The following KCNJ10 variants were observed in gnomAD, a reference collection of about 807,000 sequenced individuals.
The protein encoded by KCNJ10 is ATP-sensitive inward rectifier potassium channel 10.
A neutral mutation model predicts 22.2 loss-of-function variants in KCNJ10; 9 were observed. The observed-to-expected ratio is 0.40, with a 90% confidence interval of 0.24 to 0.71. The LOEUF (loss-of-function observed/expected upper bound fraction) is 0.71, where lower values mean the gene tolerates loss of function less well. Among genes scored for constraint, KCNJ10 ranks in the 30% least tolerant of loss-of-function variants. KCNJ10 has a pLI of 0.35. For synonymous variants in KCNJ10, 184 were observed against 187.3 expected (o/e 0.98, Z 0.15); for missense variants, 337 against 482.7 (o/e 0.70, Z 2.83).
rs1408257927 is a variant in KCNJ10, at chr1:160,070,030, C to G, written c.-9G>C. 6.6e-6 allele frequency: 1 copy of G among 152,572 alleles called. No homozygotes were observed. Among genetic ancestry groups the G allele is most frequent in the Non-Finnish European group, 1.5e-5 (1 of 68,382 alleles). 9.5% of individuals were successfully genotyped at this position (152,572 alleles called of 1,614,324 possible). ...CAGGGCCAGGGTCTTACCTTGGGTCCGAGGTGGAGTGGCCCCTTGGATGGG... is the reference window on the plus strand; with the variant it reads ...CAGGGCCAGGGTCTTACCTTGGGTCGGAGGTGGAGTGGCCCCTTGGATGGG... On this transcript the variant is annotated 5_prime_UTR_variant, in exon 1 of 2. Transcript: ENST00000644903. The surrounding 1 kb of genome is among the most constrained non-coding windows in gnomAD (Gnocchi z 4.3).
Position 160,067,554 on chromosome 1 carries a change from C to T in KCNJ10, c.-1+2468G>A, listed in dbSNP as rs141117738. On this transcript the variant is annotated intron_variant, in intron 1 of 1. Transcript: ENST00000644903. ...ATTCCTTCTCTGCCCCCTTCCAGGG[C>T]CCCACTGCTATCCTGGACAGCTTGG... 1.7e-4 allele frequency among the ~76,000 whole-genome samples: 26 copies of T among 152,344 alleles called. 1 individual carries two copies. The East Asian group carries it at 4.6e-3, about 27-fold the overall frequency.
intron 1 of KCNJ10, among the ~76,000 whole-genome samples, chr1:160,066,505 A>G (rs1424308249): frequency 1.3e-5 from 2 of 152,102 alleles, no homozygotes; most frequent in East Asian, 1.9e-4. Context: ...ATGGCCCACA[A>G]CTCCACTTTT....
At chr1:160,044,602 T>C (rs1159215401) in intron 1 of KCNJ10, among the ~76,000 whole-genome samples, 1 of 152,200 alleles carries the variant, frequency 6.6e-6, no homozygotes, top group Non-Finnish European at 1.5e-5. Context: ...AGGTAAGATA[T>C]TGATCCTAGG....
At position 160,042,374 on chromosome 1, in the gene KCNJ10, C is replaced by T. The variant is rs1184768011; in HGVS notation, c.159G>A (p.Lys53=). 1.2e-6 allele frequency: 2 copies of T among 1,614,030 alleles called. No individual in the cohort carries two copies. Among genetic ancestry groups the T allele is most frequent in the Non-Finnish European group, 1.7e-6 (2 of 1,179,882 alleles). ...HIADKRFLYL[K]DLWTTFIDMQ... ...TGTCAATGAAGGTTGTCCACAGGTC[C>T]TTGAGGTAGAGGAAGCGCTTGTCGG... Residue 53 remains lysine (K), a synonymous_variant, in exon 2 of 2, where the codon AAG becomes AAA. Coordinates refer to ENST00000644903, the MANE Select transcript of KCNJ10 (RefSeq NM_002241.5).
At chr1:160,066,595 T>C (rs1412892605) in intron 1 of KCNJ10, among the ~76,000 whole-genome samples, 2 of 152,186 alleles carry the variant, frequency 1.3e-5, no homozygotes, top group Non-Finnish European at 2.9e-5. Context: ...ATTGTGAGGA[T>C]GGGACTTCCT....
At chr1:160,066,387 G>T (rs1221514763) in intron 1 of KCNJ10, among the ~76,000 whole-genome samples, 4 of 152,054 alleles carry the variant, frequency 2.6e-5, no homozygotes, top group Non-Finnish European at 4.4e-5. Context: ...ACCTAGGACA[G>T]AATCTCAAAA....
chr1:160,069,493 C>T (rs1261930715), intron 1 of KCNJ10, among the ~76,000 whole-genome samples: 1 of 152,142 alleles, frequency 6.6e-6, no homozygotes, highest in Non-Finnish European at 1.5e-5. Context: ...ATTGGGTGGG[C>T]AGGGGTCTGG....
intron 1 of KCNJ10, among the ~76,000 whole-genome samples, chr1:160,047,660 C>T (rs1404026808): frequency 6.6e-6 from 1 of 152,186 alleles, no homozygotes; most frequent in Admixed American, 6.5e-5. Context: ...AACAATTCAT[C>T]TTCTCTGTCC....
intron 1 of KCNJ10, among the ~76,000 whole-genome samples, chr1:160,049,650 A>G: frequency 8.1e-6 from 1 of 123,832 alleles, no homozygotes; most frequent in East Asian, 2.6e-4. Flanking sequence ...AGGTCATTGA[A>G]AGAAGGATCC....
chr1:160,063,948 C>T (rs911608508), intron 1 of KCNJ10, among the ~76,000 whole-genome samples: 3 of 152,164 alleles, frequency 2.0e-5, no homozygotes, highest in Non-Finnish European at 2.9e-5. Flanking sequence ...TTTTTAAAGT[C>T]CCATTTTATA....
At position 160,041,484 on chromosome 1, in the gene KCNJ10, C is replaced by G. The variant is rs748553015; in HGVS notation, c.1049G>C (p.Gly350Ala). 6 of 1,614,198 alleles carry G rather than the reference C, an allele frequency of 3.7e-6. No homozygotes were observed. Among genetic ancestry groups the G allele is most frequent in the Non-Finnish European group, 4.2e-6 (5 of 1,180,028 alleles). ...SGLRDSTVRY[G>A]DPEKLKLEES... ...CTCCAACTTGAGCTTTTCAGGGTCT[C>G]CGTAGCGTACAGTGCTGTCACGGAG... is the stretch of plus-strand genomic sequence containing the variant. Residue 350 changes from glycine (G) to alanine (A), a missense_variant, in exon 2 of 2, where the codon GGA (glycine) becomes GCA (alanine). Physicochemically the swap from Gly to Ala is moderately conservative, Grantham distance 60. This residue lies in a region of KCNJ10 where 65 missense variants were observed against 66.0 expected (regional missense o/e 0.98). Coordinates refer to ENST00000644903, the MANE Select transcript of KCNJ10 (RefSeq NM_002241.5). This position sits in a 1 kb window ranked among gnomAD's most constrained non-coding sequence, Gnocchi z 4.4.
At chr1:160,060,468 G>A (rs559286095) in intron 1 of KCNJ10, among the ~76,000 whole-genome samples, 2 of 152,298 alleles carry the variant, frequency 1.3e-5, no homozygotes, top group Admixed American at 1.3e-4. Flanking sequence ...AGCCAGAGGG[G>A]AAGCATTTTA....
chr1:160,067,656 T>TCC (rs1649351965), intron 1 of KCNJ10, among the ~76,000 whole-genome samples: 1 of 151,956 alleles, frequency 6.6e-6, no homozygotes, highest in East Asian at 1.9e-4. Context: ...GAGTGGAGGT[T>TCC]TTTTTCTTCC....
intron 1 of KCNJ10, among the ~76,000 whole-genome samples, chr1:160,066,476 G>A (rs1230415427): frequency 1.3e-5 from 2 of 152,140 alleles, no homozygotes; most frequent in Non-Finnish European, 2.9e-5. Flanking sequence ...GAAAACATTA[G>A]AGTGGTGGGA....
intron 1 of KCNJ10, among the ~76,000 whole-genome samples, chr1:160,069,694 T>C (rs1571278726): frequency 6.6e-6 from 1 of 152,034 alleles, no homozygotes; most frequent in Non-Finnish European, 1.5e-5. Flanking sequence ...GTGTATGGGG[T>C]GCCTGGTTAT....
intron 1 of KCNJ10, among the ~76,000 whole-genome samples, chr1:160,061,090 TC>T (rs1488125171): frequency 2.0e-5 from 3 of 152,094 alleles, no homozygotes; most frequent in East Asian, 1.9e-4. Flanking sequence ...CCCCACCCCT[TC>T]CCCTCACCAT....
chr1:160,068,300 C>T (rs571173293), intron 1 of KCNJ10, among the ~76,000 whole-genome samples: 1 of 152,116 alleles, frequency 6.6e-6, no homozygotes, highest in South Asian at 2.1e-4. Context: ...CACCCTCCAT[C>T]GGTGGAGTCA....
chr1:160,052,606 G>A (rs1281816970), intron 1 of KCNJ10, among the ~76,000 whole-genome samples: 2 of 152,192 alleles, frequency 1.3e-5, no homozygotes, highest in Non-Finnish European at 2.9e-5. Context: ...TCTGAAGATA[G>A]AGTGAGAGAA....
rs1648870730 is a variant in KCNJ10 at position 160,050,310 on chromosome 1, T to TC, written c.1-7779_1-7778insG. Among the ~76,000 whole-genome samples the TC allele has an allele frequency of 2.5e-4, 38 of 151,470 alleles. 2 individuals are homozygous for TC. In the South Asian group the frequency reaches 8.0e-3, roughly 32 times the overall value. On this transcript the variant is annotated intron_variant, in intron 1 of 1. Transcript: ENST00000644903. ...CACCACACCCAGCTAATTTTTTTTTTTTTGTAGAGATGGGATCCCACTATG... is the reference window on the plus strand; with the variant it reads ...CACCACACCCAGCTAATTTTTTTTTTCTTTGTAGAGATGGGATCCCACTATG...
Sources: allele counts gnomAD v4.1 joint callset (sites outside exome capture counted in the v4.1 genomes callset), GRCh38; gene constraint gnomAD v4.1.1; regional missense constraint gnomAD v4.1.1; non-coding constraint Gnocchi (gnomAD v3.1); transcripts MANE v1.5; gene names NCBI Gene and HGNC (gene_info 2026-07-23, HGNC 2026-07-21).